COBLL1: variants seen among roughly 807,000 people sequenced by gnomAD.
COBLL1 encodes cordon-bleu protein-like 1.
A neutral mutation model predicts 94.8 loss-of-function variants in COBLL1; 50 were observed. The observed-to-expected ratio is 0.53, with a 90% confidence interval of 0.42 to 0.67. The LOEUF (loss-of-function observed/expected upper bound fraction) is 0.67. Among genes scored for constraint, COBLL1 ranks in the 30% least tolerant of loss-of-function variants. The pLI is 0.00. For synonymous variants in COBLL1, 448 were observed against 473.8 expected (o/e 0.95, Z 0.71); for missense variants, 1,362 against 1,348.7 (o/e 1.01, Z -0.15).
chr2:164,699,459 T>G lies in COBLL1; in HGVS notation c.1501A>C (p.Lys501Gln), dbSNP rs532465805. Residue 501 changes from lysine (K) to glutamine (Q), a missense_variant, in exon 11 of 14, where the codon AAG becomes CAG. By Grantham distance (53) the Lys-to-Gln change is moderately conservative. Transcript: ENST00000652658. ...SVVYDTSNGK[K>Q]VVDSIRNLKS... The stretch of plus-strand genomic sequence containing the variant: ...AAGTTTCTTATACTGTCAACTACCT[T>G]CTTTCCATTGCTTGTATCATATACT... 1.3e-4 allele frequency: 208 copies of G among 1,612,554 alleles called. No homozygotes were observed. The highest frequency in any genetic ancestry group is 2.2e-4 in the Admixed American group (13 of 59,980).
intron 11 of COBLL1, 40 bp from the exon 12 acceptor site, chr2:164,695,876 G>A: frequency 1.4e-6 from 2 of 1,473,390 alleles, no homozygotes; most frequent in Non-Finnish European, 1.8e-6. Context: ...TATGAAAGAA[G>A]TAGAAAACCT....
rs896576582 is a variant in COBLL1 at position 164,791,517 on chromosome 2, C to CACAT, written c.42-47646_42-47643dup. ...AGACAGATATATACATACCTATATA[C>CACAT]ACATACATACATACATACATTTGTT... On this transcript the variant is annotated intron_variant, in intron 2 of 13. Coordinates refer to ENST00000652658, the MANE Select transcript of COBLL1 (RefSeq NM_001365672.2). 1.4e-4 allele frequency among the ~76,000 whole-genome samples: 22 copies of CACAT among 152,174 alleles called. No individual in the cohort carries two copies. The East Asian group carries it at 1.5e-3, about 11-fold the overall frequency.
intron 2 of COBLL1, among the ~76,000 whole-genome samples, chr2:164,781,001 T>C (rs1040026441): frequency 3.9e-5 from 6 of 152,198 alleles, no homozygotes; most frequent in Admixed American, 2.0e-4. Context: ...TAGGAGAATT[T>C]TAAATACACA....
intron 3 of COBLL1, among the ~76,000 whole-genome samples, chr2:164,731,870 G>C (rs578038501): frequency 6.6e-6 from 1 of 152,284 alleles, no homozygotes; most frequent in Admixed American, 6.5e-5. Context: ...CCCCTAGTAA[G>C]CTCCCAGGCC....
chr2:164,776,269 T>C (rs938135615), intron 2 of COBLL1, among the ~76,000 whole-genome samples: 2 of 152,090 alleles, frequency 1.3e-5, no homozygotes, highest in African/African-American at 4.8e-5. Flanking sequence ...TTAGAATAAA[T>C]CTCAAACTCC....
chr2:164,685,843 T>C lies in COBLL1; in HGVS notation c.*103A>G. ...ACACAAATTCTAATATTTTAATAGATAATATATTAGTGTACATCTGAATAT... is the reference window on the plus strand; with the variant it reads ...ACACAAATTCTAATATTTTAATAGACAATATATTAGTGTACATCTGAATAT... On this transcript the variant is annotated 3_prime_UTR_variant, in exon 14 of 14. Transcript: ENST00000652658. 2 of 460,000 alleles carry C rather than the reference T, an allele frequency of 4.3e-6. No homozygotes were observed. Among genetic ancestry groups the C allele is most frequent in the Non-Finnish European group, 3.9e-6 (1 of 256,270 alleles). The allele number at this position is 460,000 out of a possible 1,614,324, so 28.5% of individuals were successfully genotyped here.
chr2:164,821,625 C>A (rs555353553), intron 2 of COBLL1, among the ~76,000 whole-genome samples: 3 of 152,262 alleles, frequency 2.0e-5, no homozygotes, highest in Non-Finnish European at 4.4e-5. Context: ...TCATTAGGAA[C>A]CACTGCCAAC....
At chr2:164,718,998 G>T (rs1685313791) in intron 7 of COBLL1, among the ~76,000 whole-genome samples, 1 of 151,814 alleles carries the variant, frequency 6.6e-6, no homozygotes, top group Admixed American at 6.6e-5. Context: ...ATGACAACAA[G>T]CTATGCAAAA....
intron 2 of COBLL1, among the ~76,000 whole-genome samples, chr2:164,775,157 T>TAAAA (rs10669922): frequency 7.3e-4 from 108 of 148,492 alleles, no homozygotes; most frequent in African/African-American, 2.2e-3. Context: ...CCCTGCCTCT[T>TAAAA]AAAAAAAAAA....
chr2:164,694,622 G>A lies in COBLL1; in HGVS notation c.2770C>T (p.His924Tyr). 1 of 1,613,888 alleles carries A rather than the reference G, an allele frequency of 6.2e-7. No homozygotes were observed. The highest frequency in any genetic ancestry group is 8.5e-7 in the Non-Finnish European group (1 of 1,179,946). The part of the protein sequence containing the change: ...QTLSPLSKMP[H>Y]SVPQPLVEKT... ...TCAACAAGGGGTTGTGGAACAGAGT[G>A]AGGCATTTTACTTAAGGGAGAAAGA... The change falls in exon 12 of 14, where the codon CAC becomes TAC. Residue 924 changes from histidine to tyrosine, a missense_variant. Coordinates refer to ENST00000652658, the MANE Select transcript of COBLL1 (RefSeq NM_001365672.2).
intron 3 of COBLL1, among the ~76,000 whole-genome samples, chr2:164,740,323 A>AG (rs1686524409): frequency 6.6e-6 from 1 of 152,096 alleles, no homozygotes; most frequent in Admixed American, 6.6e-5. Flanking sequence ...AGCTCTTACC[A>AG]CTGCACTCCA....
chr2:164,714,925 T>C, intron 7 of COBLL1, among the ~76,000 whole-genome samples: 1 of 152,330 alleles, frequency 6.6e-6, no homozygotes, highest in Non-Finnish European at 1.5e-5. Context: ...ATTCCACAAA[T>C]GACCTACTGC....
At chr2:164,793,783 T>C (rs903265011) in intron 2 of COBLL1, among the ~76,000 whole-genome samples, 2 of 152,214 alleles carry the variant, frequency 1.3e-5, no homozygotes, top group African/African-American at 4.8e-5. Flanking sequence ...GAGGAACCAT[T>C]TAACAATTCA....
At chr2:164,829,606 G>A (rs546300532) in intron 2 of COBLL1, among the ~76,000 whole-genome samples, 39 of 151,628 alleles carry the variant, frequency 2.6e-4, no homozygotes, top group African/African-American at 7.0e-4. Context: ...GATCACAAAG[G>A]GCAAAGGGAA....
Position 164,789,027 on chromosome 2 carries a change from ACACACACACAC to A in COBLL1, c.42-45163_42-45153del, listed in dbSNP as rs1337261450. Among the ~76,000 whole-genome samples the A allele has an allele frequency of 1.5e-4, 5 of 33,966 alleles. No homozygotes were observed. The African/African-American group carries it at 3.6e-3, about 24-fold the overall frequency. 22.3% of individuals were successfully genotyped at this position (33,966 alleles called of 152,430 possible). A position where few individuals can be genotyped will look rare whatever the true frequency, so the allele number is the denominator to read the frequency against. On this transcript the variant is annotated intron_variant, in intron 2 of 13. Coordinates refer to ENST00000652658, the MANE Select transcript of COBLL1 (RefSeq NM_001365672.2). ...TGTAGGAGTAGAGGTTTAAACACACACACACACACACACACACACACACACACACACACACA... is the reference window on the plus strand; with the variant it reads ...TGTAGGAGTAGAGGTTTAAACACACAACACACACACACACACACACACACA...
At chr2:164,736,306 C>T (rs1213607089) in intron 3 of COBLL1, among the ~76,000 whole-genome samples, 3 of 152,062 alleles carry the variant, frequency 2.0e-5, no homozygotes, top group Non-Finnish European at 4.4e-5. Context: ...TGAAGCAGTG[C>T]TCTCTCTGTG....
In COBLL1 at chr2:164,743,683, G is replaced by A. The variant is rs1310299453; in HGVS notation, c.230+4C>T. Reference sequence around the variant, plus strand: ...GTCCTGATATTTCATTTACTCCAGCGTACCTGCCATGAACAGTAGTAGATT... The same window carrying A: ...GTCCTGATATTTCATTTACTCCAGCATACCTGCCATGAACAGTAGTAGATT... On this transcript the variant is annotated splice_donor_region_variant and intron_variant, in intron 3 of 13. Coordinates refer to ENST00000652658, the MANE Select transcript of COBLL1 (RefSeq NM_001365672.2). The A allele has an allele frequency of 5.0e-6, 8 of 1,609,538 alleles. No individual in the cohort carries two copies. Among genetic ancestry groups the A allele is most frequent in the African/African-American group, 1.3e-5 (1 of 74,864 alleles).
At chr2:164,669,022 T>A (rs1000824617) in intron 1 of COBLL1, among the ~76,000 whole-genome samples, 1 of 152,246 alleles carries the variant, frequency 6.6e-6, no homozygotes, top group Non-Finnish European at 1.5e-5. Flanking sequence ...AATGTACCAA[T>A]TTATCCTGTC....
intron 2 of COBLL1, among the ~76,000 whole-genome samples, chr2:164,785,121 G>C (rs1379882287): frequency 6.6e-6 from 1 of 152,170 alleles, no homozygotes; most frequent in African/African-American, 2.4e-5. Context: ...CCAGCCTCCA[G>C]AACTGTGAGA....
Sources: gnomAD v4.1 joint callset for allele counts (sites outside exome capture counted in the v4.1 genomes callset) on GRCh38, gnomAD v4.1.1 for gene constraint, MANE v1.5 for transcripts, NCBI Gene and HGNC (gene_info 2026-07-23, HGNC 2026-07-21) for gene names.